Variants in CRELD2 observed in about 807,000 individuals in gnomAD.
CRELD2 encodes protein disulfide isomerase CRELD2.
CRELD2 carries 33 observed loss-of-function variants against 48.1 expected under a neutral mutation model. The observed-to-expected ratio is 0.69, with a 90% confidence interval of 0.52 to 0.92. The LOEUF (loss-of-function observed/expected upper bound fraction) is 0.92, where lower values mean the gene tolerates loss of function less well. Among genes scored for constraint, CRELD2 ranks in the 40% least tolerant of loss-of-function variants. The probability of loss-of-function intolerance (pLI) is 0.00; values close to 1 mark genes in which losing one functional copy is unlikely to be tolerated. For missense variants in CRELD2, 477 were observed against 482.4 expected (o/e 0.99, Z 0.10); for synonymous variants, 220 against 203.9 (o/e 1.08, Z -0.67).
At chr22:49,923,156 G>T (rs2060718757) in intron 6 of CRELD2, 78 bp from the exon 7 acceptor site, 2 of 1,202,516 alleles carry the variant, frequency 1.7e-6, no homozygotes, top group Non-Finnish European at 1.1e-6. Flanking sequence ...CACGGGCTGT[G>T]TCAGGCCATG....
At chr22:49,922,915 G>GT (rs2060715244) in intron 6 of CRELD2, among the ~76,000 whole-genome samples, 1 of 81,492 alleles carries the variant, frequency 1.2e-5, no homozygotes, top group Non-Finnish European at 2.4e-5. Context: ...CGTGAGGTGT[G>GT]GGGGCGTGAG....
Position 49,921,827 on chromosome 22 carries a change from GC to G in CRELD2, c.592+68del, listed in dbSNP as rs1445789978. 25 of 1,520,544 alleles carry G rather than the reference GC, an allele frequency of 1.6e-5. No homozygotes were observed. The East Asian group carries it at 3.9e-4, about 23-fold the overall frequency. 94.2% of individuals were successfully genotyped at this position (1,520,544 alleles called of 1,614,324 possible). A position where few individuals can be genotyped will look rare whatever the true frequency, so the allele number is the denominator to read the frequency against. On this transcript the variant is annotated intron_variant, in intron 5 of 9. Transcript: ENST00000328268. ...ATGACAAGAGCCCCTTGCTGGAGCT[GC>G]CTGCCTAGATGGGAACAGGGGCCTG... is the stretch of plus-strand genomic sequence containing the variant.
intron 1 of CRELD2, 81 bp from the exon 2 acceptor site, chr22:49,919,149 C>CCT: frequency 7.2e-7 from 1 of 1,380,444 alleles, no homozygotes; most frequent in South Asian, 1.2e-5. Flanking sequence ...CCTGGAGTCC[C>CCT]CTCACCCTCG....
chr22:49,918,907 G>A lies in CRELD2; in HGVS notation c.129+9G>A. ...TGGACAAGTTTAACCAGGTGGGAAG[G>A]GGCCGGGCGGGGTCGTCAACCTTGG... On this transcript the variant is annotated intron_variant, in intron 1 of 9. Coordinates refer to ENST00000328268, the MANE Select transcript of CRELD2 (RefSeq NM_024324.5). 7.5e-7 allele frequency: 1 copy of A among 1,324,728 alleles called. No individual in the cohort carries two copies. Among genetic ancestry groups the A allele is most frequent in the South Asian group, 2.0e-5 (1 of 49,858 alleles). The allele number at this position is 1,324,728 out of a possible 1,614,324, so 82.1% of individuals were successfully genotyped here.
intron 2 of CRELD2, 101 bp downstream of exon 2, chr22:49,919,413 G>A: frequency 9.2e-7 from 1 of 1,083,374 alleles, no homozygotes; most frequent in Non-Finnish European, 1.4e-6. Flanking sequence ...AGACAGAACA[G>A]CCCCCGAGGC....
At chr22:49,924,321 T>G (rs2060735108) in intron 7 of CRELD2, 39 bp from the exon 8 acceptor site, 2 of 1,498,324 alleles carry the variant, frequency 1.3e-6, no homozygotes, top group Non-Finnish European at 1.8e-6. Context: ...CACTGGTGCC[T>G]TGTGCATGTC....
intron 5 of CRELD2, chr22:49,922,336 T>A (rs1186695585): frequency 1.9e-6 from 3 of 1,611,232 alleles, no homozygotes; most frequent in Non-Finnish European, 2.5e-6. Context: ...CCTTGCTGTC[T>A]GTCTCTTGGA....
chr22:49,919,138 G>A, intron 1 of CRELD2, 92 bp from the exon 2 acceptor site: 2 of 1,321,830 alleles, frequency 1.5e-6, no homozygotes, highest in Non-Finnish European at 2.2e-6. Context: ...GCCACCGTGG[G>A]CCTGGAGTCC....
At chr22:49,924,152 A>C (rs2060732269) in intron 7 of CRELD2, 1 of 498,818 alleles carries the variant, frequency 2.0e-6, no homozygotes, top group Non-Finnish European at 3.6e-6. Flanking sequence ...GGTGGTCTGC[A>C]CCATGGCTCT....
intron 7 of CRELD2, 54 bp from the exon 8 acceptor site, chr22:49,924,306 A>G: frequency 7.4e-7 from 1 of 1,359,534 alleles, no homozygotes; most frequent in Non-Finnish European, 1.0e-6. Flanking sequence ...TCGGGGTCTG[A>G]CGGGCACTGG....
chr22:49,922,509 C>T (rs1011992184), intron 5 of CRELD2, 103 bp from the exon 6 acceptor site: 9 of 1,491,296 alleles, frequency 6.0e-6, no homozygotes, highest in East Asian at 2.4e-5. Flanking sequence ...CTGAAAATCC[C>T]GTGTTGCTTT....
chr22:49,923,530 C>T, intron 7 of CRELD2: 1 of 671,058 alleles, frequency 1.5e-6, no homozygotes. Flanking sequence ...CCAGGAACTC[C>T]CTGGAGAGCG....
intron 6 of CRELD2, among the ~76,000 whole-genome samples, chr22:49,922,925 GGT>G (rs2060715987): frequency 6.4e-5 from 5 of 78,552 alleles, no homozygotes; most frequent in African/African-American, 2.8e-4. Flanking sequence ...GGGGGCGTGA[GGT>G]GGGGGCGTGA....
rs368886220 is a variant in CRELD2, at chr22:49,927,294, G to C, written c.1049G>C (p.Arg350Pro). 6.2e-7 allele frequency: 1 copy of C among 1,612,054 alleles called. No homozygotes were observed. Among genetic ancestry groups the C allele is most frequent in the Non-Finnish European group, 8.5e-7 (1 of 1,179,540 alleles). The change falls in exon 10 of 10, where the codon CGC becomes CCC. Residue 350 changes from arginine to proline, a missense_variant. By Grantham distance (103) the Arg-to-Pro change is moderately radical. Transcript: ENST00000328268. ...EGESPTQLPS[R>P]EDL ...GAAAGCCCGACACAGCTGCCCTCCCGCGAAGACCTGTAATGTGCCGGACTT... is the reference window on the plus strand; with the variant it reads ...GAAAGCCCGACACAGCTGCCCTCCCCCGAAGACCTGTAATGTGCCGGACTT...
rs11545764 is a variant in CRELD2 at position 49,920,219 on chromosome 22, T to C, written c.387T>C (p.Ser129=). The change falls in exon 4 of 10, where the codon TCT becomes TCC. Residue 129 remains serine (S), a synonymous_variant. Coordinates refer to ENST00000328268, the MANE Select transcript of CRELD2 (RefSeq NM_024324.5). ...TGAAGACACTGAAAGTGTGCTGCTC[T>C]CCAGGAACCTACGGTCCCGACTGTC... ...FCVKTLKVCC[S]PGTYGPDCLA... 6.2e-7 allele frequency: 1 copy of C among 1,613,096 alleles called. No homozygotes were observed. Among genetic ancestry groups the C allele is most frequent in the Non-Finnish European group, 8.5e-7 (1 of 1,179,432 alleles).
Position 49,927,442 on chromosome 22 carries a change from T to G in CRELD2, c.*135T>G. On this transcript the variant is annotated 3_prime_UTR_variant, in exon 10 of 10. Transcript: ENST00000328268. ...CTAACGGTTGATTCTCATTTGTCCC[T>G]TAAACAGCTGCATTTCTTGGTTGTT... The G allele has an allele frequency of 1.4e-6, 1 of 709,612 alleles. No homozygotes were observed. Among genetic ancestry groups the G allele is most frequent in the Non-Finnish European group, 2.6e-6 (1 of 389,968 alleles). 44.0% of individuals were successfully genotyped at this position (709,612 alleles called of 1,614,324 possible).
chr22:49,925,130 C>CAA (rs375087898), intron 8 of CRELD2: 581 of 146,008 alleles, frequency 4.0e-3, no homozygotes, highest in South Asian at 8.2e-3. Context: ...GACTCCGCCT[C>CAA]AAAAAAAAAA....
chr22:49,924,214 A>G, intron 7 of CRELD2, 146 bp from the exon 8 acceptor site: 3 of 597,926 alleles, frequency 5.0e-6, no homozygotes. Flanking sequence ...TTGCCGGGAG[A>G]CAGAGACAGA....
chr22:49,921,920 G>A, intron 5 of CRELD2, 159 bp downstream of exon 5: 1 of 730,728 alleles, frequency 1.4e-6, no homozygotes, highest in Non-Finnish European at 2.2e-6. Flanking sequence ...AAACATCAGA[G>A]GATAGAGGCA....
Sources: gnomAD v4.1 joint callset for allele counts (sites outside exome capture counted in the v4.1 genomes callset) on GRCh38, gnomAD v4.1.1 for gene constraint, MANE v1.5 for transcripts, NCBI Gene and HGNC (gene_info 2026-07-23, HGNC 2026-07-21) for gene names.